The following TNKS variants were observed in gnomAD, a reference collection of about 807,000 sequenced individuals.
The protein encoded by TNKS is tankyrase.
Under a neutral mutation model 135.8 loss-of-function variants are expected in TNKS, and 72 were observed. That is an observed-to-expected ratio of 0.53 (90% CI 0.44 to 0.64). TNKS has a LOEUF of 0.64. TNKS is among the 30% of genes least tolerant of loss of function. The probability of loss-of-function intolerance (pLI) is 0.00; values close to 1 mark genes in which losing one functional copy is unlikely to be tolerated. For missense variants in TNKS, 1,769 were observed against 1,674.0 expected, an observed-to-expected ratio of 1.06 and a Z score of -0.99; for synonymous variants, 849 against 649.3, an observed-to-expected ratio of 1.31 and a Z score of -4.68.
At chr8:9,626,998 G>A (rs1454437363) in intron 3 of TNKS, among the ~76,000 whole-genome samples, 1 of 152,182 alleles carries the variant, frequency 6.6e-6, no homozygotes, top group African/African-American at 2.4e-5. Context: ...ATAGACCAGA[G>A]CATAATTAGA....
chr8:9,666,306 A>G (rs998421462), intron 3 of TNKS, among the ~76,000 whole-genome samples: 8 of 152,240 alleles, frequency 5.3e-5, no homozygotes, highest in Non-Finnish European at 1.0e-4. Flanking sequence ...GGAAGTTTAC[A>G]ATTACATAGG....
At chr8:9,710,097 TAA>T in intron 10 of TNKS, 43 bp from the exon 11 acceptor site, 1 of 1,610,902 alleles carries the variant, frequency 6.2e-7, no homozygotes, top group South Asian at 1.1e-5. Flanking sequence ...GGAAATGCAA[TAA>T]AAGAGAGACA....
chr8:9,642,855 TCATA>T (rs1800773805), intron 3 of TNKS, among the ~76,000 whole-genome samples: 2 of 146,202 alleles, frequency 1.4e-5, no homozygotes, highest in Non-Finnish European at 3.0e-5. Flanking sequence ...AGAACTAATA[TCATA>T]ATAACAGCTT....
chr8:9,663,396 G>A (rs1054186212), intron 3 of TNKS, among the ~76,000 whole-genome samples: 1 of 152,208 alleles, frequency 6.6e-6, no homozygotes, highest in African/African-American at 2.4e-5. Context: ...GTATATGTAT[G>A]TGTAAAGGAA....
At chr8:9,694,838 T>A (rs1300427195) in intron 5 of TNKS, among the ~76,000 whole-genome samples, 6 of 152,132 alleles carry the variant, frequency 3.9e-5, no homozygotes, top group African/African-American at 1.4e-4. Context: ...ATTGGTATTT[T>A]GGAATCTCAT....
At position 9,710,202 on chromosome 8, in the gene TNKS, G is replaced by A; in HGVS notation, c.1731G>A (p.Leu577=). The A allele has an allele frequency of 6.2e-7, 1 of 1,614,198 alleles. No homozygotes were observed. The highest frequency in any genetic ancestry group is 1.3e-5 in the African/African-American group (1 of 75,062). The change falls in exon 11 of 27, where the codon CTG becomes CTA. Residue 577 remains leucine (L), a synonymous_variant. Coordinates refer to ENST00000310430, the MANE Select transcript of TNKS (RefSeq NM_003747.3). ...CCCATAATGATGTCATGGAAGTTCT[G>A]CATAAGCATGGCGCCAAGGTGAGGC... ...ERAHNDVMEV[L]HKHGAKMNAL...
In TNKS at chr8:9,777,399, A is replaced by G. The variant is rs1340216888; in HGVS notation, c.*663A>G. 6.6e-6 allele frequency: 1 copy of G among 152,332 alleles called. No individual in the cohort carries two copies. The highest frequency in any genetic ancestry group is 1.5e-5 in the Non-Finnish European group (1 of 68,104). 9.4% of individuals were successfully genotyped at this position (152,332 alleles called of 1,614,324 possible). On this transcript the variant is annotated 3_prime_UTR_variant, in exon 27 of 27. Transcript: ENST00000310430. Reference sequence around the variant, plus strand: ...CATAAATTGAGATGAAAAGGAAAAAACATCAAGTTTTAGTACCTTTTTATG... The same window carrying G: ...CATAAATTGAGATGAAAAGGAAAAAGCATCAAGTTTTAGTACCTTTTTATG...
chr8:9,715,234 G>T (rs1011646958), intron 11 of TNKS, among the ~76,000 whole-genome samples: 2 of 152,098 alleles, frequency 1.3e-5, no homozygotes, highest in African/African-American at 4.8e-5. Flanking sequence ...ATATATCTCA[G>T]TTAGGGTCTT....
intron 20 of TNKS, among the ~76,000 whole-genome samples, chr8:9,754,268 C>T (rs1249828360): frequency 6.6e-6 from 1 of 152,178 alleles, no homozygotes; most frequent in Non-Finnish European, 1.5e-5. Flanking sequence ...TTTTTAAGAC[C>T]TAGTCAACTT....
chr8:9,754,706 T>C (rs1357273097), intron 20 of TNKS, among the ~76,000 whole-genome samples: 1 of 152,236 alleles, frequency 6.6e-6, no homozygotes, highest in Non-Finnish European at 1.5e-5. Flanking sequence ...CTAATGCTTA[T>C]AAATGTTCAG....
intron 3 of TNKS, among the ~76,000 whole-genome samples, chr8:9,651,266 A>G (rs923538470): frequency 1.3e-5 from 2 of 152,182 alleles, no homozygotes; most frequent in East Asian, 3.8e-4. Context: ...TGTGTAATAT[A>G]TATAAAAATA....
At chr8:9,761,673 C>T (rs955528304) in intron 21 of TNKS, 37 bp downstream of exon 21, 5 of 1,576,054 alleles carry the variant, frequency 3.2e-6, no homozygotes, top group African/African-American at 2.8e-5. Context: ...TTTCAGAAAT[C>T]AGTGGTACAA....
At chr8:9,667,567 A>G (rs764003025) in intron 3 of TNKS, among the ~76,000 whole-genome samples, 33 of 152,190 alleles carry the variant, frequency 2.2e-4, no homozygotes, top group Non-Finnish European at 3.8e-4. Context: ...ATGATGTCAG[A>G]ACTGTCTTGT....
chr8:9,623,399 A>G (rs531361597), intron 3 of TNKS, among the ~76,000 whole-genome samples: 1 of 151,270 alleles, frequency 6.6e-6, no homozygotes, highest in Non-Finnish European at 1.5e-5. Flanking sequence ...TCAGACCACT[A>G]TGAAGAAGCA....
chr8:9,609,757 C>T (rs1481265797), intron 2 of TNKS, among the ~76,000 whole-genome samples: 2 of 152,146 alleles, frequency 1.3e-5, no homozygotes, highest in Non-Finnish European at 2.9e-5. Context: ...ATAAGCTACT[C>T]TGCCGTTACT....
chr8:9,679,780 C>T (rs1025400361), intron 3 of TNKS, 171 bp from the exon 4 acceptor site: 16 of 539,192 alleles, frequency 3.0e-5, no homozygotes, highest in Admixed American at 1.2e-4. Flanking sequence ...GTCTCCAAGG[C>T]ACTGGTGATG....
intron 2 of TNKS, among the ~76,000 whole-genome samples, chr8:9,592,178 G>C (rs1463861181): frequency 6.6e-6 from 1 of 152,164 alleles, no homozygotes; most frequent in Non-Finnish European, 1.5e-5. Context: ...AGGGAAATAG[G>C]CTGTTTTTAA....
At chr8:9,631,054 T>C (rs1334169793) in intron 3 of TNKS, among the ~76,000 whole-genome samples, 1 of 152,248 alleles carries the variant, frequency 6.6e-6, no homozygotes, top group African/African-American at 2.4e-5. Flanking sequence ...AAAACAAGTC[T>C]CAATTCTCTC....
chr8:9,603,433 CAT>C (rs1322865183), intron 2 of TNKS, among the ~76,000 whole-genome samples: 1 of 152,202 alleles, frequency 6.6e-6, no homozygotes, highest in Admixed American at 6.5e-5. Flanking sequence ...GCGATACTCA[CAT>C]GTGGCTAGTA....
Sources: gnomAD v4.1 joint callset for allele counts (sites outside exome capture counted in the v4.1 genomes callset) on GRCh38, gnomAD v4.1.1 for gene constraint, MANE v1.5 for transcripts, NCBI Gene and HGNC (gene_info 2026-07-23, HGNC 2026-07-21) for gene names.